TG: variants seen among roughly 807,000 people sequenced by gnomAD.
TG encodes thyroid hormones.
In TG, 270 loss-of-function variants were observed where a neutral mutation model predicts 324.7. The ratio of observed to expected loss-of-function variants is 0.83; its 90% confidence interval spans 0.75 to 0.92. The LOEUF is 0.92. TG is among the 40% of genes least tolerant of loss of function. The pLI is 0.00. For missense variants in TG, 3,591 were observed against 3,456.4 expected (o/e 1.04, Z -0.98); for synonymous variants, 1,401 against 1,327.0 (o/e 1.06, Z -1.21).
intron 22 of TG, among the ~76,000 whole-genome samples, chr8:132,927,021 T>C (rs1821961834): frequency 6.6e-6 from 1 of 152,224 alleles, no homozygotes; most frequent in African/African-American, 2.4e-5. Context: ...CAGTTCATCT[T>C]CCCTTTAACT....
At chr8:132,965,847 AT>A (rs1828484910) in intron 29 of TG, among the ~76,000 whole-genome samples, 2 of 152,328 alleles carry the variant, frequency 1.3e-5, no homozygotes, top group Middle Eastern at 3.4e-3. Context: ...TGAAGTGCAA[AT>A]CAAGACAATC....
chr8:133,013,347 G>T (rs1458963625), intron 36 of TG, among the ~76,000 whole-genome samples: 2 of 151,960 alleles, frequency 1.3e-5, no homozygotes, highest in African/African-American at 4.8e-5. Flanking sequence ...GAGTGGTTGG[G>T]TGGATGGATG....
intron 23 of TG, among the ~76,000 whole-genome samples, chr8:132,931,667 C>A (rs1195620294): frequency 2.6e-5 from 4 of 152,126 alleles, no homozygotes; most frequent in Non-Finnish European, 5.9e-5. Flanking sequence ...AACACTGACT[C>A]AGAACTTTAA....
chr8:132,942,725 G>A (rs1326078863), intron 26 of TG, among the ~76,000 whole-genome samples: 1 of 152,198 alleles, frequency 6.6e-6, no homozygotes, highest in East Asian at 1.9e-4. Context: ...AGTGTGCGAT[G>A]CAAATGCCTG....
intron 41 of TG, among the ~76,000 whole-genome samples, chr8:133,033,275 TCTTCCCTCTTCCCTTGC>T (rs1236224307): frequency 1.3e-5 from 2 of 152,178 alleles, no homozygotes; most frequent in African/African-American, 4.8e-5. Flanking sequence ...TCAAGCTCCT[TCTTCCCTCTTCCCTTGC>T]CAAGGGAAGG....
chr8:133,111,481 G>A (rs992421751), intron 43 of TG, among the ~76,000 whole-genome samples: 1 of 152,142 alleles, frequency 6.6e-6, no homozygotes, highest in African/African-American at 2.4e-5. Flanking sequence ...AATATTCCAG[G>A]CAGAAAAGGA....
chr8:132,997,548 G>C (rs1431494918), intron 35 of TG, among the ~76,000 whole-genome samples: 1 of 152,144 alleles, frequency 6.6e-6, no homozygotes, highest in Non-Finnish European at 1.5e-5. Flanking sequence ...AGACAGGGGA[G>C]GCACACTGGT....
intron 35 of TG, among the ~76,000 whole-genome samples, chr8:133,004,162 T>C (rs1218990374): frequency 6.8e-6 from 1 of 147,294 alleles, no homozygotes; most frequent in African/African-American, 2.6e-5. Flanking sequence ...GCAAGGCCTC[T>C]TACTTCCAAG....
At chr8:133,035,480 A>G (rs1302674330) in intron 41 of TG, among the ~76,000 whole-genome samples, 1 of 152,198 alleles carries the variant, frequency 6.6e-6, no homozygotes, top group Non-Finnish European at 1.5e-5. Flanking sequence ...ATCAAAATCT[A>G]TCTACCTATT....
intron 41 of TG, among the ~76,000 whole-genome samples, chr8:133,068,389 A>G (rs1161388781): frequency 6.6e-6 from 1 of 152,220 alleles, no homozygotes; most frequent in Admixed American, 6.5e-5. Flanking sequence ...CTAAGACCAG[A>G]AGGGGATGGA....
At position 132,911,665 on chromosome 8, in the gene TG, A is replaced by T. The variant is rs570812103; in HGVS notation, c.4159+132A>T. ...GTGAAGACTATGGGGAGAGCTAATT[A>T]TTTAAAAACATATAATAATCAATAG... On this transcript the variant is annotated intron_variant, in intron 19 of 47. Coordinates refer to ENST00000220616, the MANE Select transcript of TG (RefSeq NM_003235.5). 1.8e-4 allele frequency: 132 copies of T among 741,672 alleles called. No individual in the cohort carries two copies. In the African/African-American group the frequency reaches 2.1e-3, roughly 12 times the overall value. The allele number at this position is 741,672 out of a possible 1,614,324, so 45.9% of individuals were successfully genotyped here.
Position 132,882,458 on chromosome 8 carries a change from T to C in TG, c.746-11T>C. On this transcript the variant is annotated splice_polypyrimidine_tract_variant and intron_variant, in intron 6 of 47. Coordinates refer to ENST00000220616, the MANE Select transcript of TG (RefSeq NM_003235.5). ...GAGACCATCTCTGAAAGTCTTGCTG[T>C]CTTTGCTCAGGTTTGGAGTTGTTAC... 6.2e-7 allele frequency: 1 copy of C among 1,614,190 alleles called. No individual in the cohort carries two copies. The highest frequency in any genetic ancestry group is 8.5e-7 in the Non-Finnish European group (1 of 1,180,014).
At chr8:132,915,702 A>G (rs1002388176) in intron 20 of TG, among the ~76,000 whole-genome samples, 2 of 152,204 alleles carry the variant, frequency 1.3e-5, no homozygotes, top group Admixed American at 6.5e-5. Flanking sequence ...GTGGGGAGAA[A>G]CATATGGCTG....
At chr8:133,056,882 T>G (rs1587919727) in intron 41 of TG, among the ~76,000 whole-genome samples, 1 of 151,920 alleles carries the variant, frequency 6.6e-6, no homozygotes, top group South Asian at 2.1e-4. Context: ...GGTTACAGAG[T>G]CCCCAGGAAC....
chr8:133,060,473 G>A, intron 41 of TG: 1 of 1,044,456 alleles, frequency 9.6e-7, no homozygotes. Context: ...CACCCTTGCT[G>A]AGGATGGTAA....
chr8:133,114,723 A>G (rs1476500860), intron 44 of TG, among the ~76,000 whole-genome samples: 1 of 152,074 alleles, frequency 6.6e-6, no homozygotes, highest in African/African-American at 2.4e-5. Context: ...TCCTTCTGGG[A>G]GGCCCATTTG....
At chr8:132,918,769 T>C (rs185135753) in intron 20 of TG, among the ~76,000 whole-genome samples, 2 of 152,212 alleles carry the variant, frequency 1.3e-5, no homozygotes, top group African/African-American at 4.8e-5. Flanking sequence ...AACTTCCCCA[T>C]AGGGTTGTAA....
At chr8:132,944,689 T>G (rs1021187088) in intron 26 of TG, among the ~76,000 whole-genome samples, 1 of 152,078 alleles carries the variant, frequency 6.6e-6, no homozygotes, top group African/African-American at 2.4e-5. Flanking sequence ...TGTTTCCACC[T>G]CCTCCTCTCA....
intron 27 of TG, among the ~76,000 whole-genome samples, chr8:132,952,548 C>T (rs867843507): frequency 7.9e-5 from 12 of 152,126 alleles, no homozygotes; most frequent in Non-Finnish European, 1.5e-4. Flanking sequence ...CACCTGCTTT[C>T]GTTGATCAAT....
Sources: allele counts gnomAD v4.1 joint callset (sites outside exome capture counted in the v4.1 genomes callset), GRCh38; gene constraint gnomAD v4.1.1; transcripts MANE v1.5; gene names NCBI Gene and HGNC (gene_info 2026-07-23, HGNC 2026-07-21).